Variants in DIAPH2 observed in about 807,000 individuals in gnomAD.
DIAPH2 encodes the protein diaphanous related formin 2, also known as protein diaphanous homolog 2.
In DIAPH2, 35 loss-of-function variants were observed where a neutral mutation model predicts 92.7. The ratio of observed to expected loss-of-function variants is 0.38; its 90% CI spans 0.29 to 0.50. DIAPH2 has a LOEUF of 0.50. DIAPH2 is among the 20% of genes least tolerant of loss of function. DIAPH2 has a pLI of 0.94. For synonymous variants in DIAPH2, 301 were observed against 280.4 expected (o/e 1.07, Z -0.73); for missense variants, 701 against 819.5 (o/e 0.86, Z 1.77).
chrX:96,868,014 A>C (rs978241018), intron 4 of DIAPH2, among the ~76,000 whole-genome samples: 3 of 111,936 alleles, frequency 2.7e-5, no homozygotes, highest in Non-Finnish European at 5.6e-5. Context: ...TCATTTGCTG[A>C]CTCTAAATTG....
At chrX:96,837,415 C>G (rs748003943) in intron 4 of DIAPH2, among the ~76,000 whole-genome samples, 2 of 63,894 alleles carry the variant, frequency 3.1e-5, no homozygotes, top group South Asian at 1.6e-3. Flanking sequence ...CTCTCTCTCT[C>G]TCTCTCTCTC....
At chrX:97,558,604 T>C (rs2071272825) in intron 26 of DIAPH2, among the ~76,000 whole-genome samples, 1 of 111,199 alleles carries the variant, frequency 9.0e-6, no homozygotes, top group Admixed American at 9.6e-5. Flanking sequence ...CATGATGAAA[T>C]TGGGTTTTAG....
At chrX:96,947,273 T>G (rs1177002022) in intron 14 of DIAPH2, among the ~76,000 whole-genome samples, 1 of 111,495 alleles carries the variant, frequency 9.0e-6, no homozygotes, top group Non-Finnish European at 1.9e-5. Context: ...AAAAAATGTG[T>G]ATAGTGTGCT....
At chrX:97,026,214 AAGTT>A (rs1395437178) in intron 17 of DIAPH2, among the ~76,000 whole-genome samples, 1 of 111,930 alleles carries the variant, frequency 8.9e-6, no homozygotes, top group Non-Finnish European at 1.9e-5. Context: ...GTGCTCCCAA[AAGTT>A]GAAGATTGTT....
At chrX:96,894,173 G>A (rs749905301) in intron 5 of DIAPH2, among the ~76,000 whole-genome samples, 31 of 111,332 alleles carry the variant, frequency 2.8e-4, no homozygotes, top group African/African-American at 9.8e-4. Context: ...CAGTTCTGCA[G>A]CATCCAGTGT....
chrX:96,912,167 C>A (rs2065472554), intron 5 of DIAPH2, among the ~76,000 whole-genome samples, 161 bp from the exon 6 acceptor site: 1 of 111,217 alleles, frequency 9.0e-6, no homozygotes, highest in African/African-American at 3.3e-5. Context: ...ACTGAGTCAT[C>A]CTCATAGAGT....
chrX:97,516,813 A>G (rs896399794), intron 26 of DIAPH2, among the ~76,000 whole-genome samples: 3 of 112,233 alleles, frequency 2.7e-5, no homozygotes, highest in Admixed American at 9.4e-5. Context: ...CCTTGGCTCA[A>G]GTGATCCTCC....
intron 19 of DIAPH2, among the ~76,000 whole-genome samples, chrX:97,088,487 T>C (rs1055986268): frequency 1.8e-5 from 2 of 112,311 alleles, no homozygotes; most frequent in African/African-American, 6.5e-5. Context: ...TCGAATCAGA[T>C]GCATGATACA....
intron 22 of DIAPH2, among the ~76,000 whole-genome samples, chrX:97,171,794 G>T (rs897167292): frequency 2.7e-5 from 3 of 110,858 alleles, no homozygotes; most frequent in Non-Finnish European, 5.7e-5. Flanking sequence ...CAAAAAATCA[G>T]CCAGGCGTTG....
chrX:96,855,533 T>C (rs2065034076), intron 4 of DIAPH2, among the ~76,000 whole-genome samples: 1 of 109,401 alleles, frequency 9.1e-6, no homozygotes. Context: ...TATATCCTCA[T>C]GAAGATGAGG....
chrX:96,824,343 TC>T (rs2064798689), intron 4 of DIAPH2, among the ~76,000 whole-genome samples: 1 of 110,988 alleles, frequency 9.0e-6, no homozygotes. Context: ...CCTTAAATTA[TC>T]AACTTACTGG....
intron 5 of DIAPH2, among the ~76,000 whole-genome samples, chrX:96,905,601 A>T (rs1266046071): frequency 9.0e-6 from 1 of 111,546 alleles, no homozygotes; most frequent in African/African-American, 3.3e-5. Flanking sequence ...GATCATGCTG[A>T]TCAGTATAAG....
intron 23 of DIAPH2, among the ~76,000 whole-genome samples, chrX:97,320,137 A>G: frequency 9.3e-6 from 1 of 107,045 alleles, no homozygotes; most frequent in Non-Finnish European, 1.9e-5. Flanking sequence ...GATAATAAAA[A>G]TTGATAATAT....
intron 17 of DIAPH2, among the ~76,000 whole-genome samples, chrX:97,013,986 C>G (rs898149938): frequency 8.9e-6 from 1 of 112,172 alleles, no homozygotes; most frequent in Non-Finnish European, 1.9e-5. Flanking sequence ...GAGAATGGCT[C>G]TGATGATAGA....
At chrX:97,024,390 A>T (rs2066317782) in intron 17 of DIAPH2, among the ~76,000 whole-genome samples, 1 of 112,152 alleles carries the variant, frequency 8.9e-6, no homozygotes, top group Admixed American at 9.5e-5. Context: ...ATATCTACAC[A>T]TATTCCAGAG....
rs1022867231 is a variant in DIAPH2, at chrX:97,515,529, T to C, written c.3242-83724T>C. On this transcript the variant is annotated intron_variant, in intron 26 of 26. Coordinates refer to ENST00000324765, the MANE Select transcript of DIAPH2 (RefSeq NM_006729.5). ...GCTGTTCCTATTCAGCCATCTTGGC[T>C]CAGGAACCCAAACCTGTGTATTCTT... Among the ~76,000 whole-genome samples, 4 of 112,217 alleles carry C rather than the reference T, an allele frequency of 3.6e-5. No homozygotes were observed. The Admixed American group carries it at 3.8e-4, about 11-fold the overall frequency.
intron 26 of DIAPH2, among the ~76,000 whole-genome samples, chrX:97,578,395 C>G (rs2071413438): frequency 9.4e-6 from 1 of 106,785 alleles, no homozygotes. Flanking sequence ...TGTTCAATTC[C>G]CACCTATGAG....
intron 26 of DIAPH2, among the ~76,000 whole-genome samples, chrX:97,545,533 AATAT>A (rs72373635): frequency 0.023 from 1,815 of 79,220 alleles, 38 homozygotes; most frequent in East Asian, 0.13. Context: ...AAAAAAAAAA[AATAT>A]ATATATATAT....
intron 22 of DIAPH2, among the ~76,000 whole-genome samples, chrX:97,178,725 C>A (rs752647233): frequency 1.8e-5 from 2 of 110,905 alleles, no homozygotes; most frequent in East Asian, 5.6e-4. Context: ...TGAATGTTCT[C>A]CAAAATTCAT....
Sources: allele counts gnomAD v4.1 joint callset (sites outside exome capture counted in the v4.1 genomes callset), GRCh38; gene constraint gnomAD v4.1.1; transcripts MANE v1.5; gene names NCBI Gene and HGNC (gene_info 2026-07-23, HGNC 2026-07-21).